Variants in ANKRD45 observed in about 807,000 individuals in gnomAD.
ANKRD45 encodes the protein ankyrin repeat domain 45.
ANKRD45 carries 21 observed loss-of-function variants against 28.1 expected under a neutral mutation model. The observed-to-expected ratio is 0.75, with a 90% CI of 0.53 to 1.08. The LOEUF (loss-of-function observed/expected upper bound fraction) is 1.08, where lower values mean the gene tolerates loss of function less well. Among genes scored for constraint, ANKRD45 ranks in the 50% least tolerant of loss-of-function variants. The pLI, the probability that ANKRD45 is intolerant of heterozygous loss-of-function variation, is 0.00. For synonymous variants in ANKRD45, 86 were observed against 103.9 expected (o/e 0.83, Z 1.05); for missense variants, 261 against 308.7 (o/e 0.85, Z 1.16).
intron 2 of ANKRD45, chr1:173,657,900 T>C (rs973190569): frequency 6.6e-6 from 1 of 152,120 alleles, no homozygotes; most frequent in Admixed American, 6.5e-5. Flanking sequence ...GTTTCTTATA[T>C]TCTAATATAT....
At chr1:173,695,922 C>A in the ANKRD45 span, among the ~76,000 whole-genome samples, 1 of 152,174 alleles carries the variant, frequency 6.6e-6, no homozygotes, top group African/African-American at 2.4e-5. Context: ...CTCTTAAACC[C>A]TGTCTCCTGA....
At chr1:173,668,141 G>A (rs1275869126) in intron 1 of ANKRD45, among the ~76,000 whole-genome samples, 1 of 152,104 alleles carries the variant, frequency 6.6e-6, no homozygotes, top group African/African-American at 2.4e-5. Context: ...AAAGCTCTTC[G>A]GGATCATTTC....
chr1:173,649,085 A>T (rs1669060452), intron 2 of ANKRD45, among the ~76,000 whole-genome samples: 1 of 152,146 alleles, frequency 6.6e-6, no homozygotes, highest in African/African-American at 2.4e-5. Flanking sequence ...ATTCCTTTTA[A>T]TTATTGTGTA....
the ANKRD45 span, among the ~76,000 whole-genome samples, chr1:173,680,016 G>A: frequency 5.3e-5 from 8 of 152,144 alleles, no homozygotes; most frequent in East Asian, 1.9e-4. Context: ...TTAGAATGGC[G>A]ATCATTAAAA....
intron 1 of ANKRD45, among the ~76,000 whole-genome samples, chr1:173,663,462 CCTTTTCTTTTGGAATAGAACCCCACCCT>C (rs535863018): frequency 0.017 from 2,587 of 152,242 alleles, 62 homozygotes; most frequent in African/African-American, 0.06. Flanking sequence ...AATCTCATCT[CCTTTTCTTTTGGAATAGAACCCCACCCT>C]CTCTTCTTTT....
chr1:173,712,701 A>G, the ANKRD45 span, among the ~76,000 whole-genome samples: 1 of 152,242 alleles, frequency 6.6e-6, no homozygotes, highest in Non-Finnish European at 1.5e-5. Flanking sequence ...TTTGTAATGG[A>G]GAAAACTGGA....
chr1:173,650,089 T>C (rs867550782), intron 2 of ANKRD45, among the ~76,000 whole-genome samples: 2 of 152,190 alleles, frequency 1.3e-5, no homozygotes, highest in South Asian at 2.1e-4. Flanking sequence ...CTTTTTGCCA[T>C]AAATGTCTTA....
In ANKRD45 at chr1:173,669,480, TAAAC is replaced by T. The variant is rs528844818; in HGVS notation, c.-16+333_-16+336del. The T allele has an allele frequency of 4.0e-5, 18 of 455,240 alleles. No individual in the cohort carries two copies. The East Asian group carries it at 1.1e-3, about 28-fold the overall frequency. The allele number at this position is 455,240 out of a possible 1,614,324, so 28.2% of individuals were successfully genotyped here. A position where few individuals can be genotyped will look rare whatever the true frequency, so the allele number is the denominator to read the frequency against. On this transcript the variant is annotated intron_variant, in intron 1 of 5. Coordinates refer to ENST00000333279, the MANE Select transcript of ANKRD45 (RefSeq NM_198493.3). ...AAGGGCAACCCTGGGCACACAGAGT[TAAAC>T]AAAGAGAAGGCCTGAGGAACAGGAT...
At chr1:173,713,166 T>G in the ANKRD45 span, among the ~76,000 whole-genome samples, 1 of 152,198 alleles carries the variant, frequency 6.6e-6, no homozygotes, top group Non-Finnish European at 1.5e-5. Flanking sequence ...CAGTAAAAAT[T>G]TTCAATAAGA....
chr1:173,638,258 C>A (rs990189141), intron 3 of ANKRD45, among the ~76,000 whole-genome samples: 4 of 152,110 alleles, frequency 2.6e-5, no homozygotes, highest in Admixed American at 6.6e-5. Flanking sequence ...GAGATTGAGC[C>A]TTTCACAAGC....
At chr1:173,672,439 A>C (rs771889883), upstream of ANKRD45, among the ~76,000 whole-genome samples, 6 of 152,254 alleles carry the variant, frequency 3.9e-5, no homozygotes, top group Admixed American at 6.5e-5. Flanking sequence ...CTTATGATGC[A>C]TAACTGTACA....
At chr1:173,625,400 T>C (rs1333349923) in intron 4 of ANKRD45, among the ~76,000 whole-genome samples, 1 of 152,188 alleles carries the variant, frequency 6.6e-6, no homozygotes, top group African/African-American at 2.4e-5. Flanking sequence ...TGATATTTTA[T>C]TCCCTCTCAA....
intron 2 of ANKRD45, among the ~76,000 whole-genome samples, chr1:173,651,218 GGT>G (rs1339492745): frequency 6.6e-6 from 1 of 152,108 alleles, no homozygotes; most frequent in African/African-American, 2.4e-5. Context: ...GGGTTTTTAT[GGT>G]TTTAGGTCTA....
At chr1:173,631,168 A>G in intron 3 of ANKRD45, among the ~76,000 whole-genome samples, 1 of 152,180 alleles carries the variant, frequency 6.6e-6, no homozygotes, top group Admixed American at 6.5e-5. Flanking sequence ...AAAGAGCAGG[A>G]GTAGTACACT....
intron 4 of ANKRD45, 129 bp downstream of exon 4, chr1:173,626,936 A>C (rs1421891228): frequency 1.8e-5 from 11 of 609,060 alleles, no homozygotes; most frequent in Non-Finnish European, 5.7e-6. Flanking sequence ...AGGAGGGAAG[A>C]AGGAAAGAAA....
At chr1:173,664,006 G>A (rs892892338) in intron 1 of ANKRD45, among the ~76,000 whole-genome samples, 26 of 151,836 alleles carry the variant, frequency 1.7e-4, no homozygotes, top group Admixed American at 1.1e-3. Flanking sequence ...GTTTTTTGTC[G>A]CATTCTATTT....
intron 3 of ANKRD45, among the ~76,000 whole-genome samples, chr1:173,636,081 A>G (rs1281524669): frequency 6.6e-6 from 1 of 152,118 alleles, no homozygotes; most frequent in African/African-American, 2.4e-5. Context: ...CAAGTTACAA[A>G]ACACACCAAA....
chr1:173,635,314 T>G, intron 3 of ANKRD45: 1 of 511,942 alleles, frequency 2.0e-6, no homozygotes, highest in South Asian at 2.7e-5. Flanking sequence ...GTTACAATGA[T>G]CATCACTGTA....
chr1:173,613,359 C>T (rs191397738), intron 5 of ANKRD45, among the ~76,000 whole-genome samples: 11,930 of 151,348 alleles, frequency 0.079, 702 homozygotes, highest in East Asian at 0.32. Context: ...GCCCAGCAGC[C>T]GCCCCGTCTG....
Sources: gnomAD v4.1 joint callset for allele counts (sites outside exome capture counted in the v4.1 genomes callset) on GRCh38, gnomAD v4.1.1 for gene constraint, MANE v1.5 for transcripts, NCBI Gene and HGNC (gene_info 2026-07-23, HGNC 2026-07-21) for gene names.